The following SPAG16 variants were observed in gnomAD, a reference collection of about 807,000 sequenced individuals.
SPAG16 encodes the protein sperm associated antigen 16, also known as sperm-associated antigen 16 protein.
In SPAG16, 86 loss-of-function variants were observed where a neutral mutation model predicts 80.4. That is an observed-to-expected ratio of 1.07 (90% CI 0.90 to 1.28). SPAG16 has a LOEUF of 1.28. Among genes scored for constraint, SPAG16 ranks in the 50% most tolerant of loss-of-function variants. SPAG16 has a pLI of 0.00. For missense variants in SPAG16, 870 were observed against 765.3 expected (o/e 1.14, Z -1.61); for synonymous variants, 294 against 265.9 (o/e 1.11, Z -1.03).
At chr2:213,722,416 G>T (rs1386339222) in intron 10 of SPAG16, among the ~76,000 whole-genome samples, 1 of 152,252 alleles carries the variant, frequency 6.6e-6, no homozygotes, top group Admixed American at 6.5e-5. Flanking sequence ...TAGAAAAGAG[G>T]TTTCCCTAAC....
chr2:213,295,920 A>G (rs1340412365), intron 1 of SPAG16, 144 bp from the exon 2 acceptor site: 2 of 577,816 alleles, frequency 3.5e-6, no homozygotes, highest in African/African-American at 3.8e-5. Context: ...GGGGAAGACA[A>G]ATTTTTTAAA....
At chr2:214,290,909 A>T (rs189865850) in intron 15 of SPAG16, among the ~76,000 whole-genome samples, 1 of 152,324 alleles carries the variant, frequency 6.6e-6, no homozygotes, top group Admixed American at 6.5e-5. Flanking sequence ...GTCAAAAATA[A>T]AGTTTAAATC....
In SPAG16 at chr2:213,546,946, A is replaced by G. The variant is rs534592691; in HGVS notation, c.1070+56856A>G. Among the ~76,000 whole-genome samples, 6 of 152,336 alleles carry G rather than the reference A, an allele frequency of 3.9e-5. No individual in the cohort carries two copies. The East Asian group carries it at 1.2e-3, about 29-fold the overall frequency. The stretch of plus-strand genomic sequence containing the variant: ...TTTAAATTACTATTGAAAAAGCTGT[A>G]TAATGCAGTTATATTCCTTTGTTTA... On this transcript the variant is annotated intron_variant, in intron 10 of 15. Transcript: ENST00000331683.
chr2:213,938,754 T>C (rs2079087572), intron 12 of SPAG16, among the ~76,000 whole-genome samples: 1 of 151,994 alleles, frequency 6.6e-6, no homozygotes, highest in South Asian at 2.1e-4. Flanking sequence ...GGTTACTAAA[T>C]ATAAAAAATG....
chr2:213,402,858 G>C (rs1213433893), intron 9 of SPAG16, among the ~76,000 whole-genome samples: 2 of 152,168 alleles, frequency 1.3e-5, no homozygotes, highest in African/African-American at 2.4e-5. Context: ...CCAAGTCTTT[G>C]CTATTGTGAA....
At chr2:213,423,410 C>T (rs918647848) in intron 9 of SPAG16, among the ~76,000 whole-genome samples, 1 of 152,062 alleles carries the variant, frequency 6.6e-6, no homozygotes, top group Non-Finnish European at 1.5e-5. Context: ...TACAGGATAG[C>T]AGTGTGTTGA....
intron 10 of SPAG16, among the ~76,000 whole-genome samples, chr2:213,614,536 GA>G (rs1276907962): frequency 6.6e-6 from 1 of 152,148 alleles, no homozygotes. Context: ...AGGCATCAGA[GA>G]ATAAATACCC....
chr2:213,766,175 T>G (rs2068929656), intron 10 of SPAG16, among the ~76,000 whole-genome samples: 1 of 152,198 alleles, frequency 6.6e-6, no homozygotes, highest in African/African-American at 2.4e-5. Flanking sequence ...TCCATTTACT[T>G]GAAATCTCCA....
At position 213,300,322 on chromosome 2, in the gene SPAG16, C is replaced by A. The variant is rs574268241; in HGVS notation, c.279+2965C>A. Among the ~76,000 whole-genome samples, 24 of 152,124 alleles carry A rather than the reference C, an allele frequency of 1.6e-4. No homozygotes were observed. The South Asian group carries it at 5.0e-3, about 32-fold the overall frequency. The stretch of plus-strand genomic sequence containing the variant: ...AATTTAAGTAGAATTTATGGAATTT[C>A]TTTGGAATAATTAACTATTTTTGGA... On this transcript the variant is annotated intron_variant, in intron 3 of 15. Coordinates refer to ENST00000331683, the MANE Select transcript of SPAG16 (RefSeq NM_024532.5).
At chr2:213,410,159 G>A (rs1685396462) in intron 9 of SPAG16, among the ~76,000 whole-genome samples, 1 of 152,060 alleles carries the variant, frequency 6.6e-6, no homozygotes, top group Admixed American at 6.6e-5. Context: ...AGTCCCAGGG[G>A]AAAACCCTAC....
intron 10 of SPAG16, among the ~76,000 whole-genome samples, chr2:213,834,531 A>G (rs943796563): frequency 4.6e-5 from 7 of 152,166 alleles, no homozygotes; most frequent in Admixed American, 4.6e-4. Context: ...CCCATCTGGA[A>G]TGAGGATTGT....
At chr2:214,092,332 C>G (rs945243644) in intron 13 of SPAG16, among the ~76,000 whole-genome samples, 3 of 152,078 alleles carry the variant, frequency 2.0e-5, no homozygotes, top group Admixed American at 6.6e-5. Context: ...TGAAAGTACT[C>G]TCTTCCCCAC....
At chr2:213,903,510 G>A (rs1006486813) in intron 11 of SPAG16, among the ~76,000 whole-genome samples, 1 of 152,110 alleles carries the variant, frequency 6.6e-6, no homozygotes, top group Admixed American at 6.5e-5. Flanking sequence ...TGGGATGCAG[G>A]GCACCGAGTC....
intron 4 of SPAG16, among the ~76,000 whole-genome samples, chr2:213,316,238 C>A (rs998138092): frequency 6.6e-6 from 1 of 151,996 alleles, no homozygotes; most frequent in African/African-American, 2.4e-5. Flanking sequence ...GTTGCTCAGC[C>A]AAAAACCCTG....
intron 12 of SPAG16, among the ~76,000 whole-genome samples, chr2:213,958,134 C>T (rs1177063535): frequency 6.6e-6 from 1 of 152,152 alleles, no homozygotes; most frequent in Admixed American, 6.5e-5. Flanking sequence ...GAGCAAAATA[C>T]CTGTGAGCCA....
chr2:214,220,729 G>A (rs2058545047), intron 15 of SPAG16, among the ~76,000 whole-genome samples: 1 of 152,078 alleles, frequency 6.6e-6, no homozygotes, highest in Non-Finnish European at 1.5e-5. Context: ...CCCCCAACAA[G>A]TATTTATAGG....
chr2:213,980,197 TA>T (rs2045627456), intron 12 of SPAG16, among the ~76,000 whole-genome samples: 2 of 141,258 alleles, frequency 1.4e-5, no homozygotes, highest in African/African-American at 5.3e-5. Flanking sequence ...ATACAAATTT[TA>T]TATATATATA....
In SPAG16 at chr2:214,203,746, A is replaced by T. The variant is rs532445397; in HGVS notation, c.1720+54480A>T. On this transcript the variant is annotated intron_variant, in intron 15 of 15. Coordinates refer to ENST00000331683, the MANE Select transcript of SPAG16 (RefSeq NM_024532.5). ...TGGGGAGGGCTACCAGAGGAACTGG[A>T]AAAAGACCACAGGAAGAAGGAAATT... 4.6e-5 allele frequency among the ~76,000 whole-genome samples: 7 copies of T among 152,302 alleles called. No homozygotes were observed. In the East Asian group the frequency reaches 9.7e-4, roughly 21 times the overall value.
intron 9 of SPAG16, among the ~76,000 whole-genome samples, chr2:213,475,087 G>T (rs777096422): frequency 1.3e-5 from 2 of 152,124 alleles, no homozygotes; most frequent in Non-Finnish European, 2.9e-5. Flanking sequence ...AAATTTCTCT[G>T]CCACTTGCAG....
Sources: gnomAD v4.1 joint callset for allele counts (sites outside exome capture counted in the v4.1 genomes callset) on GRCh38, gnomAD v4.1.1 for gene constraint, MANE v1.5 for transcripts, NCBI Gene and HGNC (gene_info 2026-07-23, HGNC 2026-07-21) for gene names.